The following DPP6 variants were observed in gnomAD, a reference collection of about 807,000 sequenced individuals.
DPP6 encodes the protein A-type potassium channel modulatory protein DPP6.
Under a neutral mutation model 122.6 loss-of-function variants are expected in DPP6, and 69 were observed. The ratio of observed to expected loss-of-function variants is 0.56; its 90% CI spans 0.46 to 0.69. The LOEUF is 0.69. Among genes scored for constraint, DPP6 ranks in the 30% least tolerant of loss-of-function variants. The probability of loss-of-function intolerance (pLI) is 0.00; values close to 1 mark genes in which losing one functional copy is unlikely to be tolerated. For missense variants in DPP6, 928 were observed against 1,116.9 expected, an observed-to-expected ratio of 0.83 and a Z score of 2.41; for synonymous variants, 418 against 433.1, an observed-to-expected ratio of 0.97 and a Z score of 0.43.
intron 2 of DPP6, among the ~76,000 whole-genome samples, chr7:154,459,805 C>CAAAAA (rs775605275): frequency 4.9e-3 from 290 of 58,724 alleles, no homozygotes; most frequent in Non-Finnish European, 6.8e-3. Context: ...GATTCCATCT[C>CAAAAA]AAAAAAAAAA....
intron 1 of DPP6, among the ~76,000 whole-genome samples, chr7:153,988,972 G>A (rs1413908452): frequency 1.3e-5 from 2 of 150,678 alleles, no homozygotes; most frequent in East Asian, 4.0e-4. Context: ...GGATTTCTCC[G>A]CGCAGAAAAA....
At chr7:154,493,837 T>A (rs1314144938) in intron 3 of DPP6, among the ~76,000 whole-genome samples, 1 of 152,190 alleles carries the variant, frequency 6.6e-6, no homozygotes, top group Admixed American at 6.5e-5. Flanking sequence ...TTGTTTTGAT[T>A]TGGTTTGGTT....
intron 3 of DPP6, among the ~76,000 whole-genome samples, chr7:154,522,680 C>T (rs1158516922): frequency 1.4e-5 from 2 of 146,416 alleles, no homozygotes; most frequent in Non-Finnish European, 3.0e-5. Flanking sequence ...AACCAGAAAG[C>T]AGAAAACCCA....
intron 16 of DPP6, among the ~76,000 whole-genome samples, chr7:154,845,736 A>T (rs368999953): frequency 2.8e-4 from 42 of 152,368 alleles, no homozygotes; most frequent in African/African-American, 9.4e-4. Flanking sequence ...GAGTGGTTTT[A>T]AAAACTTTTT....
chr7:154,131,007 G>A (rs1409583980), intron 1 of DPP6, among the ~76,000 whole-genome samples: 3 of 152,098 alleles, frequency 2.0e-5, no homozygotes, highest in Admixed American at 6.5e-5. Context: ...GTCAGTGGCC[G>A]ATTCAGAAGC....
At chr7:154,502,280 G>A (rs936712374) in intron 3 of DPP6, among the ~76,000 whole-genome samples, 1 of 152,106 alleles carries the variant, frequency 6.6e-6, no homozygotes, top group Non-Finnish European at 1.5e-5. Context: ...AGACTTTGGG[G>A]GACTGCTGGG....
rs965262434 is a variant in DPP6, at chr7:154,760,842, T to TG, written c.884-8575_884-8574insG. Among the ~76,000 whole-genome samples, 4 of 10,826 alleles carry TG rather than the reference T, an allele frequency of 3.7e-4. No individual in the cohort carries two copies. In the South Asian group the frequency reaches 9.4e-3, roughly 25 times the overall value. 7.1% of individuals were successfully genotyped at this position (10,826 alleles called of 152,430 possible). On this transcript the variant is annotated intron_variant, in intron 8 of 25. Coordinates refer to ENST00000377770, the MANE Select transcript of DPP6 (RefSeq NM_130797.4). The surrounding 1 kb of genome is among the most constrained non-coding windows in gnomAD (Gnocchi z 4.5). ...CAGCCTTCCTCTTTCAAAACTTTTG[T>TG]TTTTTTTTTTTTGAGACAGTCTTGC...
Position 154,194,959 on chromosome 7 carries a change from C to A in DPP6, c.243+141896C>A, listed in dbSNP as rs184865685. ...CTCTTCTTTTCTTTCATTCTCTTAA[C>A]AGTATCATTAGAAAATAAAATTCCT... On this transcript the variant is annotated intron_variant, in intron 1 of 25. Coordinates refer to ENST00000377770, the MANE Select transcript of DPP6 (RefSeq NM_130797.4). 4.6e-5 allele frequency among the ~76,000 whole-genome samples: 7 copies of A among 152,312 alleles called. No homozygotes were observed. The East Asian group carries it at 1.4e-3, about 29-fold the overall frequency.
At chr7:154,447,086 G>T (rs1251378536) in intron 2 of DPP6, among the ~76,000 whole-genome samples, 2 of 151,936 alleles carry the variant, frequency 1.3e-5, no homozygotes, top group Non-Finnish European at 2.9e-5. Context: ...CGGGTAGATC[G>T]CCTGACATCA....
intron 1 of DPP6, among the ~76,000 whole-genome samples, chr7:154,143,389 G>A (rs4726378): frequency 0.015 from 2,331 of 151,396 alleles, 18 homozygotes; most frequent in Non-Finnish European, 0.026. Flanking sequence ...ATATAACTGG[G>A]GGATGTAACC....
intron 1 of DPP6, among the ~76,000 whole-genome samples, chr7:153,950,164 G>C (rs1398461342): frequency 6.6e-6 from 1 of 152,136 alleles, no homozygotes; most frequent in Admixed American, 6.5e-5. Context: ...GTTTACCTGG[G>C]GACAGGGTAG....
chr7:154,619,456 A>C (rs550693346), intron 5 of DPP6, among the ~76,000 whole-genome samples: 1 of 152,372 alleles, frequency 6.6e-6, no homozygotes, highest in African/African-American at 2.4e-5. Context: ...ATGTTTGCTC[A>C]CAAACCACTG....
chr7:153,916,795 G>A (rs539810969), intron 1 of DPP6, among the ~76,000 whole-genome samples: 2 of 152,248 alleles, frequency 1.3e-5, no homozygotes, highest in African/African-American at 2.4e-5. Context: ...AGGAATTAAT[G>A]TATTTCTTTG....
At chr7:153,785,891 C>CT in the DPP6 span, among the ~76,000 whole-genome samples, 1 of 122,984 alleles carries the variant, frequency 8.1e-6, no homozygotes, top group Non-Finnish European at 1.8e-5. Context: ...ATTTTTAAAA[C>CT]TGTTTTTTTT....
intron 1 of DPP6, among the ~76,000 whole-genome samples, chr7:154,189,872 A>G (rs1399130012): frequency 6.6e-6 from 1 of 152,214 alleles, no homozygotes; most frequent in Non-Finnish European, 1.5e-5. Context: ...TCAAAGCTTT[A>G]TGATTCAAAT....
chr7:154,243,184 T>C (rs1277652543), intron 1 of DPP6, among the ~76,000 whole-genome samples: 1 of 152,156 alleles, frequency 6.6e-6, no homozygotes, highest in Non-Finnish European at 1.5e-5. Flanking sequence ...TTATCTAGAA[T>C]CATGAAAACA....
the DPP6 span, among the ~76,000 whole-genome samples, chr7:153,798,087 C>T: frequency 1.3e-5 from 2 of 152,092 alleles, no homozygotes; most frequent in Non-Finnish European, 2.9e-5. Flanking sequence ...CCTGATCCGC[C>T]CGCCTCGGCC....
chr7:154,241,524 C>T lies in DPP6; in HGVS notation c.243+188461C>T, dbSNP rs1353232809. 6.6e-6 allele frequency among the ~76,000 whole-genome samples: 1 copy of T among 151,954 alleles called. No homozygotes were observed. Among genetic ancestry groups the T allele is most frequent in the Non-Finnish European group, 1.5e-5 (1 of 68,010 alleles). Reference sequence around the variant, plus strand: ...GCAGTGAGTTGTGGTCACTCCACTGCACTGCAGCCTGAGTAACAAAGTGAG... The same window carrying T: ...GCAGTGAGTTGTGGTCACTCCACTGTACTGCAGCCTGAGTAACAAAGTGAG... On this transcript the variant is annotated intron_variant, in intron 1 of 25. Transcript: ENST00000377770. This position sits in a 1 kb window ranked among gnomAD's most constrained non-coding sequence, Gnocchi z 9.0.
intron 1 of DPP6, among the ~76,000 whole-genome samples, chr7:153,898,347 GAGGCTTAGGTGCA>G: frequency 6.6e-6 from 1 of 152,274 alleles, no homozygotes; most frequent in East Asian, 1.9e-4. Flanking sequence ...AGCTACTTGG[GAGGCTTAGGTGCA>G]AGGATTGCTT....
Sources: allele counts gnomAD v4.1 joint callset (sites outside exome capture counted in the v4.1 genomes callset), GRCh38; gene constraint gnomAD v4.1.1; non-coding constraint Gnocchi (gnomAD v3.1); transcripts MANE v1.5; gene names NCBI Gene and HGNC (gene_info 2026-07-23, HGNC 2026-07-21).